The following CHP1 variants were observed in gnomAD, a reference collection of about 807,000 sequenced individuals.
The protein encoded by CHP1 is calcineurin like EF-hand protein 1, also known as calcineurin B homologous protein 1.
Under a neutral mutation model 27.4 loss-of-function variants are expected in CHP1, and 11 were observed. That is an observed-to-expected ratio of 0.40 (90% CI 0.25 to 0.67). The LOEUF (loss-of-function observed/expected upper bound fraction) is 0.67. Among genes scored for constraint, CHP1 ranks in the 30% least tolerant of loss-of-function variants. CHP1 has a pLI of 0.38. For synonymous variants in CHP1, 89 were observed against 87.4 expected, an observed-to-expected ratio of 1.02 and a Z score of -0.10; for missense variants, 169 against 251.3, an observed-to-expected ratio of 0.67 and a Z score of 2.22.
chr15:41,252,257 C>T (rs771727555), intron 2 of CHP1, among the ~76,000 whole-genome samples: 3 of 151,880 alleles, frequency 2.0e-5, no homozygotes, highest in Non-Finnish European at 4.4e-5. Flanking sequence ...GCAACCTCCG[C>T]CTCCCGGGTT....
chr15:41,234,307 G>A (rs1416030389), intron 1 of CHP1: 1 of 152,066 alleles, frequency 6.6e-6, no homozygotes, highest in Non-Finnish European at 1.5e-5. Flanking sequence ...AGATTTTGAA[G>A]AATAAAAACG....
Position 41,231,433 on chromosome 15 carries a change from C to A in CHP1, c.51C>A (p.Ile17=). The A allele has an allele frequency of 6.2e-7, 1 of 1,603,716 alleles. No individual in the cohort carries two copies. The highest frequency in any genetic ancestry group is 2.2e-5 in the East Asian group (1 of 44,466). Residue 17 remains isoleucine, a synonymous_variant, in exon 1 of 7, where the codon ATC becomes ATA. Coordinates refer to ENST00000334660, the MANE Select transcript of CHP1 (RefSeq NM_007236.5). ...TLLRDEELEE[I]KKETGFSHSQ... ...TGCGGGACGAAGAGCTCGAGGAGAT[C>A]AAGAAGGAGACCGGCTGTGAGTTCG...
At chr15:41,236,380 G>T (rs2047276928) in intron 1 of CHP1, among the ~76,000 whole-genome samples, 1 of 152,130 alleles carries the variant, frequency 6.6e-6, no homozygotes, top group Non-Finnish European at 1.5e-5. Flanking sequence ...TCCCAGCTCA[G>T]CCTCCTGAGT....
chr15:41,264,094 A>G, intron 4 of CHP1: 3 of 776,098 alleles, frequency 3.9e-6, no homozygotes, highest in Non-Finnish European at 5.7e-6. Context: ...GTTTTATCCT[A>G]AAGTATTATG....
chr15:41,257,188 A>G (rs2047404997), intron 3 of CHP1, among the ~76,000 whole-genome samples, 198 bp downstream of exon 3: 1 of 152,216 alleles, frequency 6.6e-6, no homozygotes, highest in Non-Finnish European at 1.5e-5. Context: ...AAATAGATAT[A>G]TGAGCCTATC....
At chr15:41,269,473 C>G (rs2047478141) in intron 4 of CHP1, among the ~76,000 whole-genome samples, 1 of 152,080 alleles carries the variant, frequency 6.6e-6, no homozygotes, top group African/African-American at 2.4e-5. Flanking sequence ...GGAATGACCA[C>G]CCCTTGTCTC....
At chr15:41,278,943 T>A in intron 6 of CHP1, 54 bp downstream of exon 6, 1 of 1,607,248 alleles carries the variant, frequency 6.2e-7, no homozygotes, top group Non-Finnish European at 8.5e-7. Context: ...CTGGGCGCGG[T>A]GGCTTACGCC....
intron 2 of CHP1, among the ~76,000 whole-genome samples, chr15:41,248,288 A>G (rs906644930): frequency 6.6e-6 from 1 of 152,152 alleles, no homozygotes; most frequent in Non-Finnish European, 1.5e-5. Flanking sequence ...AGCTAGGACT[A>G]CAGGCATGCA....
intron 5 of CHP1, among the ~76,000 whole-genome samples, chr15:41,277,090 A>G (rs2140944721): frequency 6.6e-6 from 1 of 152,364 alleles, no homozygotes; most frequent in South Asian, 2.1e-4. Flanking sequence ...AGATGAGAAG[A>G]TAAAGGTTTC....
intron 2 of CHP1, chr15:41,256,629 C>T (rs1203870556): frequency 2.3e-6 from 1 of 431,558 alleles, no homozygotes; most frequent in Non-Finnish European, 4.2e-6. Context: ...TAAGGGACAG[C>T]TTAGTATTTG....
intron 1 of CHP1, among the ~76,000 whole-genome samples, chr15:41,235,889 T>C (rs540364791): frequency 6.6e-6 from 1 of 152,342 alleles, no homozygotes; most frequent in East Asian, 1.9e-4. Flanking sequence ...CCAGGCTGTC[T>C]TCTGCCTCCT....
At chr15:41,274,133 GTAT>G (rs2047506892) in intron 5 of CHP1, among the ~76,000 whole-genome samples, 1 of 151,814 alleles carries the variant, frequency 6.6e-6, no homozygotes, top group Admixed American at 6.6e-5. Context: ...GCTAATTTTT[GTAT>G]TTTTAGTAGA....
At position 41,274,239 on chromosome 15, in the gene CHP1, A is replaced by G. The variant is rs956701718; in HGVS notation, c.411+3621A>G. On this transcript the variant is annotated intron_variant, in intron 5 of 6. Coordinates refer to ENST00000334660, the MANE Select transcript of CHP1 (RefSeq NM_007236.5). The stretch of plus-strand genomic sequence containing the variant: ...CTCCCAAAGTGCTGGGATTACAGGC[A>G]TGAGCCACCGCACCTGGCCTAATAA... Among the ~76,000 whole-genome samples the G allele has an allele frequency of 4.6e-5, 7 of 152,136 alleles. No individual in the cohort carries two copies. The South Asian group carries it at 6.2e-4, about 14-fold the overall frequency.
intron 2 of CHP1, among the ~76,000 whole-genome samples, chr15:41,247,672 AAAAT>A (rs1225659134): frequency 3.3e-5 from 5 of 149,702 alleles, no homozygotes; most frequent in Non-Finnish European, 7.4e-5. Flanking sequence ...ACTCCATCTT[AAAAT>A]AAATAAATAA....
In CHP1 at chr15:41,257,010, G is replaced by A. The variant is rs1045336718; in HGVS notation, c.221+20G>A. On this transcript the variant is annotated intron_variant, in intron 3 of 6. Transcript: ENST00000334660. ...AGAGGGGTGAGTCAGTACAGTTGTT[G>A]GACTTCCTTCCTGAGGCTATCACAA... 8.2e-6 allele frequency: 13 copies of A among 1,588,422 alleles called. No homozygotes were observed. In the East Asian group the frequency reaches 2.2e-4, roughly 27 times the overall value.
chr15:41,252,819 T>C (rs1021184038), intron 2 of CHP1, among the ~76,000 whole-genome samples: 1 of 151,950 alleles, frequency 6.6e-6, no homozygotes, highest in African/African-American at 2.4e-5. Flanking sequence ...AGTGATACTG[T>C]CTTTTTCTAA....
intron 1 of CHP1, 25 bp from the exon 2 acceptor site, chr15:41,243,642 C>A (rs1237674011): frequency 6.2e-7 from 1 of 1,609,936 alleles, no homozygotes; most frequent in Non-Finnish European, 8.5e-7. Flanking sequence ...TTCCCCCGAG[C>A]TGGGACTAAT....
At chr15:41,252,927 GTTTTTTTTTTTTTTTT>G (rs144891496) in intron 2 of CHP1, among the ~76,000 whole-genome samples, 42 of 65,796 alleles carry the variant, frequency 6.4e-4, no homozygotes, top group South Asian at 8.3e-4. Context: ...ATTTCACATG[GTTTTTTTTTTTTTTTT>G]TTTTTTTTTT....
chr15:41,254,364 T>G (rs2047387339), intron 2 of CHP1, among the ~76,000 whole-genome samples: 1 of 152,234 alleles, frequency 6.6e-6, no homozygotes, highest in Non-Finnish European at 1.5e-5. Context: ...TATGTAGCCA[T>G]GCAATTCAAA....
Sources: allele counts gnomAD v4.1 joint callset (sites outside exome capture counted in the v4.1 genomes callset), GRCh38; gene constraint gnomAD v4.1.1; transcripts MANE v1.5; gene names NCBI Gene and HGNC (gene_info 2026-07-23, HGNC 2026-07-21).